OSBPL9: variants seen among roughly 807,000 people sequenced by gnomAD.
OSBPL9 encodes the protein oxysterol-binding protein-related protein 9.
In OSBPL9, 40 loss-of-function variants were observed where a neutral mutation model predicts 106.6. The ratio of observed to expected loss-of-function variants is 0.38; its 90% CI spans 0.29 to 0.49. The LOEUF (loss-of-function observed/expected upper bound fraction) is 0.49, where lower values mean the gene tolerates loss of function less well. OSBPL9 is among the 20% of genes least tolerant of loss of function. The probability of loss-of-function intolerance (pLI) is 0.97; values close to 1 mark genes in which losing one functional copy is unlikely to be tolerated. For missense variants in OSBPL9, 609 were observed against 887.2 expected, an observed-to-expected ratio of 0.69 and a Z score of 3.98; for synonymous variants, 269 against 295.4, an observed-to-expected ratio of 0.91 and a Z score of 0.92.
intron 1 of OSBPL9, among the ~76,000 whole-genome samples, chr1:51,628,553 C>G (rs1644910134): frequency 6.6e-6 from 1 of 150,690 alleles, no homozygotes; most frequent in Admixed American, 6.6e-5. Context: ...CACTGCACCC[C>G]AGCCTGGGCG....
rs559960381 is a variant in OSBPL9, at chr1:51,767,680, A to G, written c.938+1699A>G. Among the ~76,000 whole-genome samples, 13 of 152,290 alleles carry G rather than the reference A, an allele frequency of 8.5e-5. No individual in the cohort carries two copies. In the South Asian group the frequency reaches 1.7e-3, roughly 19 times the overall value. On this transcript the variant is annotated intron_variant, in intron 12 of 23. Coordinates refer to ENST00000428468, the MANE Select transcript of OSBPL9 (RefSeq NM_024586.6). ...GGAAGGGAGGTTTAAATCTACAACT[A>G]AAGAAGGCCAGTGTAGCAGAAAGGG...
At chr1:51,713,124 T>G (rs565113953) in intron 3 of OSBPL9, among the ~76,000 whole-genome samples, 3 of 151,798 alleles carry the variant, frequency 2.0e-5, no homozygotes, top group Non-Finnish European at 2.9e-5. Context: ...GTGTGGTTGG[T>G]TTTTTTTGTT....
chr1:51,732,697 G>A (rs191537377), intron 4 of OSBPL9, among the ~76,000 whole-genome samples: 1 of 152,216 alleles, frequency 6.6e-6, no homozygotes, highest in African/African-American at 2.4e-5. Context: ...ACTTTTGCAA[G>A]GCTTTCTGAC....
At chr1:51,708,582 C>T (rs531745850) in intron 3 of OSBPL9, among the ~76,000 whole-genome samples, 1 of 152,274 alleles carries the variant, frequency 6.6e-6, no homozygotes, top group Non-Finnish European at 1.5e-5. Flanking sequence ...TATACTTTTA[C>T]AAATCTTAAA....
At chr1:51,518,891 G>C in the OSBPL9 span, among the ~76,000 whole-genome samples, 2 of 151,604 alleles carry the variant, frequency 1.3e-5, no homozygotes, top group African/African-American at 4.8e-5. Context: ...GAGCCGGCCC[G>C]GCACCGGCAG....
chr1:51,753,080 A>AT (rs567181743), intron 8 of OSBPL9, among the ~76,000 whole-genome samples: 63 of 152,140 alleles, frequency 4.1e-4, no homozygotes, highest in African/African-American at 1.3e-3. Flanking sequence ...TATATGTATG[A>AT]TTTTTTTTAC....
At chr1:51,636,699 T>C (rs1384868420) in intron 1 of OSBPL9, among the ~76,000 whole-genome samples, 2 of 151,920 alleles carry the variant, frequency 1.3e-5, no homozygotes, top group Non-Finnish European at 2.9e-5. Flanking sequence ...CCTGTCATCT[T>C]AGCATTTTGG....
the OSBPL9 span, among the ~76,000 whole-genome samples, chr1:51,525,812 C>T: frequency 2.5e-3 from 384 of 152,312 alleles, no homozygotes; most frequent in Admixed American, 5.0e-3. Flanking sequence ...TGCAGTGGCA[C>T]GATCATGGCT....
intron 3 of OSBPL9, among the ~76,000 whole-genome samples, chr1:51,703,388 T>G (rs1407789664): frequency 1.3e-5 from 2 of 152,250 alleles, no homozygotes; most frequent in Non-Finnish European, 2.9e-5. Flanking sequence ...CTAGGTATTT[T>G]ATTCTCTTTG....
At chr1:51,703,941 T>C (rs1166596794) in intron 3 of OSBPL9, among the ~76,000 whole-genome samples, 1 of 152,226 alleles carries the variant, frequency 6.6e-6, no homozygotes, top group African/African-American at 2.4e-5. Context: ...ATTACGTTTA[T>C]TGATTTGCAT....
At chr1:51,695,689 T>C (rs1401087897) in intron 3 of OSBPL9, among the ~76,000 whole-genome samples, 1 of 152,220 alleles carries the variant, frequency 6.6e-6, no homozygotes, top group Non-Finnish European at 1.5e-5. Context: ...TTCTCATTGC[T>C]GCTTTTTAGG....
At chr1:51,757,592 C>G (rs1437361896) in intron 9 of OSBPL9, among the ~76,000 whole-genome samples, 1 of 151,922 alleles carries the variant, frequency 6.6e-6, no homozygotes, top group Non-Finnish European at 1.5e-5. Context: ...TGAAAAACAT[C>G]TAGAAAGTTT....
intron 4 of OSBPL9, among the ~76,000 whole-genome samples, chr1:51,731,566 C>T (rs551474629): frequency 6.6e-4 from 101 of 152,264 alleles, no homozygotes; most frequent in Non-Finnish European, 1.1e-3. Context: ...CTCTTGAGGT[C>T]AGGGGTTCGA....
chr1:51,628,009 G>A (rs887039809), intron 1 of OSBPL9, among the ~76,000 whole-genome samples: 1 of 149,848 alleles, frequency 6.7e-6, no homozygotes. Flanking sequence ...AGATGACATT[G>A]TACTCTTAAT....
intron 1 of OSBPL9, among the ~76,000 whole-genome samples, chr1:51,646,423 CTG>C (rs1408214650): frequency 6.6e-6 from 1 of 152,090 alleles, no homozygotes; most frequent in Admixed American, 6.5e-5. Context: ...TTTTTTAAAT[CTG>C]AAAGTATAGA....
chr1:51,641,572 G>A (rs763006316), intron 1 of OSBPL9, among the ~76,000 whole-genome samples: 40 of 151,986 alleles, frequency 2.6e-4, no homozygotes, highest in Non-Finnish European at 5.1e-4. Flanking sequence ...TTCTTACCCT[G>A]GGAAAATAAA....
chr1:51,757,309 G>A (rs1480556344), intron 9 of OSBPL9, among the ~76,000 whole-genome samples: 1 of 152,026 alleles, frequency 6.6e-6, no homozygotes, highest in African/African-American at 2.4e-5. Context: ...TCAGTTCAAA[G>A]TATGATCCAT....
At chr1:51,712,574 AT>A (rs1229087604) in intron 3 of OSBPL9, among the ~76,000 whole-genome samples, 1 of 151,998 alleles carries the variant, frequency 6.6e-6, no homozygotes, top group East Asian at 1.9e-4. Flanking sequence ...TAAATTCTTA[AT>A]TTTGATTATT....
the OSBPL9 span, among the ~76,000 whole-genome samples, chr1:51,549,110 A>C: frequency 6.6e-6 from 1 of 152,182 alleles, no homozygotes; most frequent in African/African-American, 2.4e-5. Context: ...AAGGTCTAGA[A>C]ACCACACCAG....
Sources: gnomAD v4.1 joint callset for allele counts (sites outside exome capture counted in the v4.1 genomes callset) on GRCh38, gnomAD v4.1.1 for gene constraint, MANE v1.5 for transcripts, NCBI Gene and HGNC (gene_info 2026-07-23, HGNC 2026-07-21) for gene names.